Variants in TG observed in about 807,000 individuals in gnomAD.
TG encodes the protein thyroid hormones.
Under a neutral mutation model 324.7 loss-of-function variants are expected in TG, and 270 were observed. That is an observed-to-expected ratio of 0.83 (90% confidence interval 0.75 to 0.92). TG has a LOEUF of 0.92. Ranked by LOEUF, TG falls within the 40% of genes least tolerant of loss-of-function variation. The pLI is 0.00. For synonymous variants in TG, 1,401 were observed against 1,327.0 expected, an observed-to-expected ratio of 1.06 and a Z score of -1.21; for missense variants, 3,591 against 3,456.4, an observed-to-expected ratio of 1.04 and a Z score of -0.98.
intron 29 of TG, chr8:132,964,956 C>T (rs1038562257): frequency 2.8e-6 from 2 of 701,972 alleles, no homozygotes; most frequent in Non-Finnish European, 5.2e-6. Flanking sequence ...AAAGGTGTTC[C>T]AGGTAAGGGG....
intron 41 of TG, chr8:133,048,596 G>A (rs1177916167): frequency 1.3e-5 from 2 of 156,334 alleles, no homozygotes; most frequent in South Asian, 1.9e-4. Context: ...TCATAATTAT[G>A]TCACTCCTCC....
intron 25 of TG, among the ~76,000 whole-genome samples, chr8:132,939,722 A>C (rs1431209251): frequency 6.6e-6 from 1 of 150,572 alleles, no homozygotes; most frequent in African/African-American, 2.4e-5. Flanking sequence ...TGTTGCCCAC[A>C]CTGGAGTGCA....
intron 35 of TG, chr8:133,002,363 A>G (rs1833601555): frequency 1.0e-6 from 1 of 985,420 alleles, no homozygotes; most frequent in Non-Finnish European, 1.2e-6. Context: ...TTAAACCAGT[A>G]CAAATATTTC....
chr8:133,038,277 A>C, intron 41 of TG: 1 of 542,568 alleles, frequency 1.8e-6, no homozygotes, highest in Non-Finnish European at 3.3e-6. Context: ...GGGCTCTTCC[A>C]AGCATCGCCC....
chr8:133,130,644 T>A (rs764440291), intron 45 of TG, among the ~76,000 whole-genome samples: 6 of 152,120 alleles, frequency 3.9e-5, no homozygotes, highest in Non-Finnish European at 7.4e-5. Context: ...AGAAGTATTC[T>A]CCCCAGGGCT....
At chr8:133,002,044 G>A in intron 35 of TG, 1 of 985,440 alleles carries the variant, frequency 1.0e-6, no homozygotes, top group Non-Finnish European at 1.2e-6. Flanking sequence ...AGAAAGTCAT[G>A]TGATCTTTTT....
chr8:132,901,660 C>T, intron 16 of TG, 107 bp downstream of exon 16: 1 of 1,186,748 alleles, frequency 8.4e-7, no homozygotes, highest in Non-Finnish European at 1.2e-6. Context: ...GGAGGGGAGG[C>T]AGGAAGTGCA....
At chr8:132,985,327 T>A (rs1045226238) in intron 35 of TG, among the ~76,000 whole-genome samples, 22 of 152,316 alleles carry the variant, frequency 1.4e-4, no homozygotes, top group African/African-American at 5.1e-4. Flanking sequence ...CACACCATTT[T>A]GTATAAGAGA....
intron 26 of TG, among the ~76,000 whole-genome samples, chr8:132,944,411 C>T (rs1824924211): frequency 1.3e-5 from 2 of 152,188 alleles, no homozygotes. Flanking sequence ...TCCTGGAGTA[C>T]TATTTTGTCC....
At chr8:132,948,183 C>CG (rs1170496732) in intron 26 of TG, among the ~76,000 whole-genome samples, 3 of 151,578 alleles carry the variant, frequency 2.0e-5, no homozygotes, top group Admixed American at 2.0e-4. Flanking sequence ...ACTCCGTCCC[C>CG]CCCCAAAAAA....
intron 20 of TG, among the ~76,000 whole-genome samples, chr8:132,918,272 C>T (rs565793974): frequency 6.6e-6 from 1 of 152,204 alleles, no homozygotes; most frequent in East Asian, 1.9e-4. Context: ...CGCACCTAGG[C>T]TTTTGGAGGC....
At chr8:133,065,597 A>C (rs2131371446) in intron 41 of TG, among the ~76,000 whole-genome samples, 1 of 152,234 alleles carries the variant, frequency 6.6e-6, no homozygotes, top group African/African-American at 2.4e-5. Context: ...CCCCGTCTCT[A>C]CTAAAAATAC....
intron 35 of TG, among the ~76,000 whole-genome samples, chr8:132,990,484 C>A (rs1048397572): frequency 5.9e-5 from 9 of 152,000 alleles, no homozygotes; most frequent in Non-Finnish European, 7.4e-5. Context: ...TAATTGTTAG[C>A]CATCTTCCCA....
chr8:133,108,083 C>A (rs57785233), intron 43 of TG, among the ~76,000 whole-genome samples: 6 of 150,174 alleles, frequency 4.0e-5, no homozygotes, highest in Non-Finnish European at 7.4e-5. Context: ...CCAGTTTCAC[C>A]CCATTCTCCT....
intron 41 of TG, among the ~76,000 whole-genome samples, chr8:133,057,777 A>AAC (rs1470761749): frequency 1.2e-4 from 18 of 151,194 alleles, no homozygotes; most frequent in South Asian, 2.1e-4. Flanking sequence ...CAAAAAACAA[A>AAC]AAAAAAAAAA....
intron 4 of TG, 98 bp downstream of exon 4, chr8:132,871,649 C>T: frequency 8.3e-7 from 1 of 1,204,428 alleles, no homozygotes; most frequent in Non-Finnish European, 1.2e-6. Flanking sequence ...CCGAAGTGGG[C>T]AGAGAACCAG....
chr8:133,011,857 C>G, intron 35 of TG, 44 bp from the exon 36 acceptor site: 1 of 1,613,846 alleles, frequency 6.2e-7, no homozygotes, highest in Non-Finnish European at 8.5e-7. Flanking sequence ...TTGTTACTCA[C>G]CAGGTGACAA....
At chr8:132,986,335 ATG>A (rs1564041190) in intron 35 of TG, among the ~76,000 whole-genome samples, 1 of 146,288 alleles carries the variant, frequency 6.8e-6, no homozygotes, top group East Asian at 1.9e-4. Flanking sequence ...GTATATATAT[ATG>A]TGTGTATATA....
chr8:133,042,595 A>G (rs1838465041), intron 41 of TG, among the ~76,000 whole-genome samples: 1 of 151,622 alleles, frequency 6.6e-6, no homozygotes, highest in Non-Finnish European at 1.5e-5. Context: ...AATTTGCCTA[A>G]AGGCATCATG....
Sources: gnomAD v4.1 joint callset for allele counts (sites outside exome capture counted in the v4.1 genomes callset) on GRCh38, gnomAD v4.1.1 for gene constraint, MANE v1.5 for transcripts, NCBI Gene and HGNC (gene_info 2026-07-23, HGNC 2026-07-21) for gene names.